ARHGAP24: variants seen among roughly 807,000 people sequenced by gnomAD.
The protein encoded by ARHGAP24 is rho GTPase-activating protein 24.
ARHGAP24 carries 50 observed loss-of-function variants against 76.4 expected under a neutral mutation model. The observed-to-expected ratio is 0.65, with a 90% CI of 0.52 to 0.83. The LOEUF is 0.83. Ranked by LOEUF, ARHGAP24 falls within the 40% of genes least tolerant of loss-of-function variation. The probability of loss-of-function intolerance (pLI) is 0.00; values close to 1 mark genes in which losing one functional copy is unlikely to be tolerated. For synonymous variants in ARHGAP24, 345 were observed against 323.3 expected, an observed-to-expected ratio of 1.07 and a Z score of -0.72; for missense variants, 930 against 914.2, an observed-to-expected ratio of 1.02 and a Z score of -0.22.
At chr4:85,738,136 G>A (rs112259513) in intron 3 of ARHGAP24, among the ~76,000 whole-genome samples, 11,427 of 152,032 alleles carry the variant, frequency 0.075, 499 homozygotes, top group Middle Eastern at 0.1. Flanking sequence ...GGCCAGGCTC[G>A]TCTCGAACTC....
chr4:85,643,716 CAGAGA>C (rs1721615929), intron 2 of ARHGAP24, among the ~76,000 whole-genome samples: 3 of 151,926 alleles, frequency 2.0e-5, no homozygotes, highest in Non-Finnish European at 4.4e-5. Context: ...TTTACAAGAA[CAGAGA>C]TCTTTGTTTT....
chr4:85,622,798 G>A (rs1720769962), intron 2 of ARHGAP24, among the ~76,000 whole-genome samples: 1 of 152,168 alleles, frequency 6.6e-6, no homozygotes, highest in Non-Finnish European at 1.5e-5. Flanking sequence ...TCTAACTGGT[G>A]TGAGATGATA....
At chr4:85,899,069 A>T (rs755716330) in intron 3 of ARHGAP24, among the ~76,000 whole-genome samples, 2 of 152,214 alleles carry the variant, frequency 1.3e-5, no homozygotes, top group South Asian at 4.1e-4. Context: ...TAATGACTAA[A>T]GATATAAGTA....
chr4:85,702,987 C>T (rs145381207), intron 2 of ARHGAP24, among the ~76,000 whole-genome samples: 39 of 150,856 alleles, frequency 2.6e-4, no homozygotes, highest in African/African-American at 8.8e-4. Flanking sequence ...AGACCCCCAC[C>T]GAGAAGCATG....
At chr4:85,979,579 G>A (rs945831248) in intron 8 of ARHGAP24, among the ~76,000 whole-genome samples, 7 of 152,006 alleles carry the variant, frequency 4.6e-5, no homozygotes, top group Admixed American at 2.0e-4. Context: ...TGTTATACTT[G>A]TTGTGACTGG....
rs1720909645 is a variant in ARHGAP24 at position 85,625,477 on chromosome 4, G to T, written c.180+54756G>T. On this transcript the variant is annotated intron_variant, in intron 2 of 9. Transcript: ENST00000395184. ...TCTGTTCTTTTACATTTGCTGAGGA[G>T]AGTTTTACTTCCAACTATGTGGTCA... Among the ~76,000 whole-genome samples, 3 of 151,722 alleles carry T rather than the reference G, an allele frequency of 2.0e-5. No homozygotes were observed. The South Asian group carries it at 6.3e-4, about 32-fold the overall frequency.
chr4:85,894,519 T>C (rs1395783565), intron 3 of ARHGAP24, among the ~76,000 whole-genome samples: 6 of 152,220 alleles, frequency 3.9e-5, no homozygotes, highest in South Asian at 2.1e-4. Context: ...CAGACAAGAT[T>C]GATAGTGAAC....
At chr4:85,831,992 A>T (rs1730016619) in intron 3 of ARHGAP24, among the ~76,000 whole-genome samples, 1 of 152,196 alleles carries the variant, frequency 6.6e-6, no homozygotes, top group Non-Finnish European at 1.5e-5. Flanking sequence ...TTTTTCAGGA[A>T]TTGTGGGGCC....
chr4:85,965,900 A>G (rs1221697958), intron 5 of ARHGAP24, among the ~76,000 whole-genome samples: 1 of 152,190 alleles, frequency 6.6e-6, no homozygotes, highest in East Asian at 1.9e-4. Context: ...TGACAGTTCC[A>G]TCAACAGTTT....
intron 3 of ARHGAP24, among the ~76,000 whole-genome samples, chr4:85,834,481 G>GC (rs1453483621): frequency 3.9e-5 from 6 of 152,108 alleles, no homozygotes; most frequent in African/African-American, 1.2e-4. Context: ...CTCGCCACTT[G>GC]CCCCTGAAAA....
At chr4:85,772,429 C>A (rs1560625136) in intron 3 of ARHGAP24, among the ~76,000 whole-genome samples, 2 of 152,190 alleles carry the variant, frequency 1.3e-5, no homozygotes, top group African/African-American at 2.4e-5. Flanking sequence ...GGCATTTTCT[C>A]TTGTTTGAGC....
intron 7 of ARHGAP24, among the ~76,000 whole-genome samples, 158 bp from the exon 8 acceptor site, chr4:85,977,412 C>G (rs917240706): frequency 1.3e-5 from 2 of 152,066 alleles, no homozygotes; most frequent in Non-Finnish European, 2.9e-5. Flanking sequence ...ATACATTGTC[C>G]CTGTGTTTGA....
At chr4:85,746,650 T>C (rs1726050999) in intron 3 of ARHGAP24, among the ~76,000 whole-genome samples, 1 of 152,076 alleles carries the variant, frequency 6.6e-6, no homozygotes. Context: ...TTGTTTGTTT[T>C]GTTGTGTTTT....
At chr4:85,903,747 C>T (rs1429339672) in intron 3 of ARHGAP24, among the ~76,000 whole-genome samples, 6 of 152,020 alleles carry the variant, frequency 3.9e-5, no homozygotes, top group South Asian at 2.1e-4. Flanking sequence ...TGTTTAAAAT[C>T]TTCCCTCAGA....
At chr4:85,521,987 G>C (rs985728646) in intron 1 of ARHGAP24, among the ~76,000 whole-genome samples, 3 of 152,096 alleles carry the variant, frequency 2.0e-5, no homozygotes, top group Non-Finnish European at 4.4e-5. Context: ...TTTGATGCCT[G>C]TTTTGTAGAA....
At chr4:85,635,933 T>A (rs1185944778) in intron 2 of ARHGAP24, among the ~76,000 whole-genome samples, 1 of 151,904 alleles carries the variant, frequency 6.6e-6, no homozygotes, top group East Asian at 1.9e-4. Flanking sequence ...TATCTTGCCT[T>A]ATTCTCCTTG....
chr4:85,988,014 C>T (rs1740104289), intron 8 of ARHGAP24, among the ~76,000 whole-genome samples: 1 of 151,788 alleles, frequency 6.6e-6, no homozygotes, highest in African/African-American at 2.4e-5. Context: ...AGAAGTGGAT[C>T]AAAACCTTTG....
At chr4:85,859,875 TG>T (rs1250391497) in intron 3 of ARHGAP24, among the ~76,000 whole-genome samples, 1 of 152,094 alleles carries the variant, frequency 6.6e-6, no homozygotes, top group African/African-American at 2.4e-5. Flanking sequence ...TCCAGGGTAG[TG>T]CTTGTTCTTT....
At chr4:85,787,983 A>G (rs1359891988) in intron 3 of ARHGAP24, among the ~76,000 whole-genome samples, 1 of 152,216 alleles carries the variant, frequency 6.6e-6, no homozygotes, top group Admixed American at 6.5e-5. Flanking sequence ...AGATGTGTCC[A>G]AAACAGCCTC....
Sources: gnomAD v4.1 joint callset for allele counts (sites outside exome capture counted in the v4.1 genomes callset) on GRCh38, gnomAD v4.1.1 for gene constraint, MANE v1.5 for transcripts, NCBI Gene and HGNC (gene_info 2026-07-23, HGNC 2026-07-21) for gene names.